PTK2: variants seen among roughly 807,000 people sequenced by gnomAD.
PTK2 encodes the protein focal adhesion kinase 1.
In PTK2, 45 loss-of-function variants were observed where a neutral mutation model predicts 150.1. That is an observed-to-expected ratio of 0.30 (90% CI 0.24 to 0.38). The LOEUF is 0.38. Ranked by LOEUF, PTK2 falls within the 10% of genes least tolerant of loss-of-function variation. PTK2 has a pLI of 1.00. For missense variants in PTK2, 919 were observed against 1,307.3 expected (o/e 0.70, Z 4.58); for synonymous variants, 432 against 449.2 (o/e 0.96, Z 0.48).
At chr8:140,901,494 G>C (rs1338021963) in intron 2 of PTK2, among the ~76,000 whole-genome samples, 2 of 152,034 alleles carry the variant, frequency 1.3e-5, no homozygotes, top group Non-Finnish European at 2.9e-5. Context: ...ACAACACAAA[G>C]AATGGGAGAA....
At chr8:140,745,412 T>C (rs2100058134) in intron 18 of PTK2, among the ~76,000 whole-genome samples, 1 of 152,134 alleles carries the variant, frequency 6.6e-6, no homozygotes, top group Non-Finnish European at 1.5e-5. Context: ...ATGAGAGAAA[T>C]ATTTAGCCAT....
At chr8:140,889,237 T>C (rs528687795) in intron 3 of PTK2, among the ~76,000 whole-genome samples, 1 of 145,090 alleles carries the variant, frequency 6.9e-6, no homozygotes, top group South Asian at 2.1e-4. Flanking sequence ...CTTTTTTTTC[T>C]TTTTTTTCTT....
intron 10 of PTK2, 113 bp from the exon 11 acceptor site, chr8:140,803,763 GA>G: frequency 1.1e-6 from 1 of 941,466 alleles, no homozygotes. Context: ...CCTAAGACTG[GA>G]GGTCTGGGGA....
At chr8:140,962,298 AGGGAGGG>A (rs2100183582) in intron 1 of PTK2, among the ~76,000 whole-genome samples, 1 of 115,662 alleles carries the variant, frequency 8.6e-6, no homozygotes, top group Non-Finnish European at 1.7e-5. Context: ...GAAGGGAGGG[AGGGAGGG>A]AAAAAAATTA....
At chr8:140,950,732 G>A (rs1315887493) in intron 1 of PTK2, among the ~76,000 whole-genome samples, 9 of 152,174 alleles carry the variant, frequency 5.9e-5, no homozygotes, top group Admixed American at 5.9e-4. Context: ...GTTAGGTTTT[G>A]GGGAGTCAAA....
chr8:140,729,893 C>T (rs1003237665), intron 22 of PTK2, among the ~76,000 whole-genome samples: 1 of 152,124 alleles, frequency 6.6e-6, no homozygotes, highest in African/African-American at 2.4e-5. Flanking sequence ...TCCTCATCAT[C>T]GTAAACTAAC....
At position 140,927,788 on chromosome 8, in the gene PTK2, T is replaced by C. The variant is rs376972952; in HGVS notation, c.-121-2039A>G. 4.0e-5 allele frequency among the ~76,000 whole-genome samples: 6 copies of C among 151,446 alleles called. No individual in the cohort carries two copies. In the East Asian group the frequency reaches 7.8e-4, roughly 20 times the overall value. On this transcript the variant is annotated intron_variant, in intron 1 of 31. Coordinates refer to ENST00000522684, the Ensembl canonical transcript of PTK2. ...CCGACCAACATGGTAAAACCCCATC[T>C]GTACTAAATACAAAAAATTGGCCGC...
chr8:140,734,374 C>G (rs1352521899), intron 22 of PTK2, among the ~76,000 whole-genome samples: 1 of 152,176 alleles, frequency 6.6e-6, no homozygotes, highest in Non-Finnish European at 1.5e-5. Context: ...ATTCTAGACT[C>G]CAATTCAATT....
chr8:140,901,644 CCTGT>C (rs1165271214), intron 2 of PTK2, among the ~76,000 whole-genome samples: 2 of 148,736 alleles, frequency 1.3e-5, no homozygotes, highest in African/African-American at 2.5e-5. Flanking sequence ...AAAGCAAGAT[CCTGT>C]CTTTTTTTTT....
chr8:140,734,578 A>G (rs1339501491), intron 22 of PTK2: 1 of 371,332 alleles, frequency 2.7e-6, no homozygotes, highest in Non-Finnish European at 5.4e-6. Flanking sequence ...TGAGGGATTC[A>G]GCACACTAAT....
exon 25 of PTK2, chr8:140,702,675 T>C: frequency 1.2e-6 from 2 of 1,614,012 alleles, no homozygotes; most frequent in Non-Finnish European, 1.7e-6. Flanking sequence ...CAGCCATGGC[T>C]GTGATTCCAT....
intron 1 of PTK2, among the ~76,000 whole-genome samples, chr8:140,937,612 A>G (rs2100174128): frequency 6.6e-6 from 1 of 152,014 alleles, no homozygotes; most frequent in Admixed American, 6.6e-5. Flanking sequence ...CAAAAAAACA[A>G]ATCTGATTTA....
exon 31 of PTK2, chr8:140,664,983 G>A: frequency 2.5e-6 from 4 of 1,613,700 alleles, no homozygotes; most frequent in Non-Finnish European, 3.4e-6. Context: ...ATGTCCTCAG[G>A]GCCAAGCCGA....
At chr8:140,663,011 C>T (rs1468310388) in intron 31 of PTK2, 5 of 374,318 alleles carry the variant, frequency 1.3e-5, no homozygotes, top group Admixed American at 4.4e-5. Flanking sequence ...CTCTCACAGG[C>T]GACGGAAAAG....
At chr8:140,920,727 AAT>A (rs2100167071) in intron 2 of PTK2, 1 of 1,219,662 alleles carries the variant, frequency 8.2e-7, no homozygotes, top group African/African-American at 1.6e-5. Context: ...AATATATTGA[AAT>A]AAATTCTGAA....
chr8:140,945,895 A>G (rs2100177533), intron 1 of PTK2, among the ~76,000 whole-genome samples: 1 of 152,116 alleles, frequency 6.6e-6, no homozygotes, highest in Non-Finnish European at 1.5e-5. Flanking sequence ...ACAATTCCCC[A>G]AGAAGACATC....
At chr8:140,805,651 T>C (rs763979191) in intron 10 of PTK2, among the ~76,000 whole-genome samples, 2 of 151,802 alleles carry the variant, frequency 1.3e-5, no homozygotes, top group Non-Finnish European at 2.9e-5. Flanking sequence ...TTCCCCATTA[T>C]CCAACCTCTC....
rs28397701 is a variant in PTK2 at position 140,873,467 on chromosome 8, T to C, written c.362+6004A>G. On this transcript the variant is annotated intron_variant, in intron 4 of 31. Coordinates refer to ENST00000522684, the Ensembl canonical transcript of PTK2. ...TCTATTACTGAAGTGTCTGCAATTT[T>C]TTTTTTTTCTGTTTTTGAGACGGAG... 3.9e-5 allele frequency among the ~76,000 whole-genome samples: 6 copies of C among 152,122 alleles called. No individual in the cohort carries two copies. The East Asian group carries it at 1.2e-3, about 29-fold the overall frequency.
At chr8:140,824,390 C>A (rs534111704) in intron 8 of PTK2, among the ~76,000 whole-genome samples, 6 of 152,256 alleles carry the variant, frequency 3.9e-5, no homozygotes, top group East Asian at 1.9e-4. Flanking sequence ...ACAAACAACA[C>A]AACAAACCAG....
Sources: gnomAD v4.1 joint callset for allele counts (sites outside exome capture counted in the v4.1 genomes callset) on GRCh38, gnomAD v4.1.1 for gene constraint, MANE v1.5 for transcripts, NCBI Gene and HGNC (gene_info 2026-07-23, HGNC 2026-07-21) for gene names.